The following DYNC2I1 variants were observed in gnomAD, a reference collection of about 807,000 sequenced individuals.
The protein encoded by DYNC2I1 is cytoplasmic dynein 2 intermediate chain 1.
DYNC2I1 carries 89 observed loss-of-function variants against 133.4 expected under a neutral mutation model. The ratio of observed to expected loss-of-function variants is 0.67; its 90% CI spans 0.56 to 0.80. The LOEUF is 0.80. Among genes scored for constraint, DYNC2I1 ranks in the 30% least tolerant of loss-of-function variants. DYNC2I1 has a pLI of 0.00. For synonymous variants in DYNC2I1, 504 were observed against 484.3 expected, an observed-to-expected ratio of 1.04 and a Z score of -0.54; for missense variants, 1,291 against 1,314.5, an observed-to-expected ratio of 0.98 and a Z score of 0.28.
chr7:158,899,504 C>T (rs1472835769), intron 8 of DYNC2I1, among the ~76,000 whole-genome samples: 1 of 151,720 alleles, frequency 6.6e-6, no homozygotes, highest in Admixed American at 6.6e-5. Context: ...TTATATAGAC[C>T]CAAGTTTCTG....
intron 1 of DYNC2I1, among the ~76,000 whole-genome samples, chr7:158,867,309 G>C (rs1038908602): frequency 2.0e-5 from 3 of 152,098 alleles, no homozygotes; most frequent in African/African-American, 7.2e-5. Context: ...GGGTTGTAGG[G>C]CTGTACCCTG....
chr7:158,864,619 C>G (rs745666292), intron 1 of DYNC2I1, among the ~76,000 whole-genome samples: 14 of 152,090 alleles, frequency 9.2e-5, no homozygotes, highest in Middle Eastern at 3.4e-3. Context: ...AAGTGAGCCT[C>G]CTGTCTTAGC....
At chr7:158,905,260 C>G (rs1259433226) in intron 10 of DYNC2I1, 1 of 349,728 alleles carries the variant, frequency 2.9e-6, no homozygotes, top group Non-Finnish European at 5.5e-6. Flanking sequence ...TCTGCTTCAG[C>G]CTCCCGAGTA....
At position 158,882,671 on chromosome 7, in the gene DYNC2I1, G is replaced by T. The variant is rs576471473; in HGVS notation, c.880-1893G>T. ...GTGGATCACTTGAGGTCAGGAGTTC[G>T]AGACCAGCCTGGCTAACATAGTGAA... On this transcript the variant is annotated intron_variant, in intron 5 of 24. Transcript: ENST00000407559. Among the ~76,000 whole-genome samples the T allele has an allele frequency of 2.5e-4, 38 of 152,016 alleles. No homozygotes were observed. In the South Asian group the frequency reaches 7.5e-3, roughly 30 times the overall value.
At position 158,884,536 on chromosome 7, in the gene DYNC2I1, G is replaced by A. The variant is rs1453481593; in HGVS notation, c.880-28G>A. ...CTTCATTCCGATATGCTAATAAATG[G>A]TTATGGGATTATATTTTTGTTTGAT... On this transcript the variant is annotated intron_variant, in intron 5 of 24. Transcript: ENST00000407559. 12 of 1,604,020 alleles carry A rather than the reference G, an allele frequency of 7.5e-6. No individual in the cohort carries two copies. In the Admixed American group the frequency reaches 1.7e-4, roughly 23 times the overall value.
intron 15 of DYNC2I1, among the ~76,000 whole-genome samples, chr7:158,920,263 G>A (rs539077478): frequency 6.6e-6 from 1 of 151,508 alleles, no homozygotes; most frequent in South Asian, 2.1e-4. Context: ...AAGTGTGTGT[G>A]TGTACCACAG....
intron 1 of DYNC2I1, among the ~76,000 whole-genome samples, chr7:158,857,853 C>A (rs142831520): frequency 0.015 from 2,303 of 148,792 alleles, 52 homozygotes; most frequent in African/African-American, 0.054. Context: ...TACAGTGGCA[C>A]GATCTCTACT....
At chr7:158,913,962 G>A (rs976461802) in intron 13 of DYNC2I1, among the ~76,000 whole-genome samples, 8 of 152,078 alleles carry the variant, frequency 5.3e-5, no homozygotes, top group Non-Finnish European at 1.0e-4. Context: ...CACCTGCCTC[G>A]GCCACCCAAA....
chr7:158,841,738 A>G, the DYNC2I1 span, among the ~76,000 whole-genome samples: 1 of 152,230 alleles, frequency 6.6e-6, no homozygotes, highest in Non-Finnish European at 1.5e-5. Flanking sequence ...ACAGTGAAAA[A>G]GAAGACAGCG....
intron 1 of DYNC2I1, among the ~76,000 whole-genome samples, chr7:158,868,278 C>T (rs988129917): frequency 6.6e-6 from 1 of 152,142 alleles, no homozygotes; most frequent in African/African-American, 2.4e-5. Context: ...GCTGGCTGTC[C>T]GGATGCCGCC....
At chr7:158,943,261 T>C (rs894046788) in intron 24 of DYNC2I1, among the ~76,000 whole-genome samples, 4 of 152,250 alleles carry the variant, frequency 2.6e-5, no homozygotes, top group African/African-American at 9.6e-5. Context: ...ACAACACACC[T>C]GCAGTTTATT....
intron 8 of DYNC2I1, among the ~76,000 whole-genome samples, chr7:158,900,813 C>T (rs1470561738): frequency 6.7e-6 from 1 of 148,336 alleles, no homozygotes; most frequent in African/African-American, 2.5e-5. Flanking sequence ...TATCATCAAG[C>T]ACAGAGACTT....
intron 24 of DYNC2I1, among the ~76,000 whole-genome samples, chr7:158,943,035 C>T (rs1206518514): frequency 6.6e-6 from 1 of 152,102 alleles, no homozygotes; most frequent in Non-Finnish European, 1.5e-5. Context: ...TTAATAAATT[C>T]TCCTACTGTG....
intron 24 of DYNC2I1, among the ~76,000 whole-genome samples, chr7:158,942,950 G>A (rs763913238): frequency 5.9e-5 from 9 of 152,174 alleles, no homozygotes; most frequent in Non-Finnish European, 8.8e-5. Flanking sequence ...GAAAGCTTTC[G>A]TCATGAGGTG....
chr7:158,952,124 A>G (rs373765988), intron 4 of DYNC2I1, among the ~76,000 whole-genome samples: 2 of 152,164 alleles, frequency 1.3e-5, no homozygotes, highest in Non-Finnish European at 1.5e-5. Flanking sequence ...AGAATCCACC[A>G]GCAGAAGAAG....
chr7:158,914,520 G>A (rs1847814801), intron 14 of DYNC2I1, among the ~76,000 whole-genome samples, 199 bp downstream of exon 14: 1 of 152,202 alleles, frequency 6.6e-6, no homozygotes, highest in Admixed American at 6.5e-5. Flanking sequence ...ATGACCCTGG[G>A]TAAATGTATA....
intron 11 of DYNC2I1, among the ~76,000 whole-genome samples, chr7:158,906,607 C>T (rs1410416207): frequency 2.6e-5 from 4 of 151,920 alleles, no homozygotes; most frequent in African/African-American, 9.7e-5. Flanking sequence ...TACAGGTGGC[C>T]GCCACCACGC....
intron 1 of DYNC2I1, among the ~76,000 whole-genome samples, chr7:158,857,890 C>T (rs1348973527): frequency 1.3e-5 from 2 of 149,214 alleles, no homozygotes; most frequent in Non-Finnish European, 3.0e-5. Context: ...TCCTGGGTTC[C>T]AGCGATTCTC....
chr7:158,905,029 G>C (rs770938721), intron 10 of DYNC2I1: 1 of 360,662 alleles, frequency 2.8e-6, no homozygotes, highest in South Asian at 2.2e-5. Context: ...ACACAGGTAA[G>C]TATGTACAAG....
Sources: allele counts gnomAD v4.1 joint callset (sites outside exome capture counted in the v4.1 genomes callset), GRCh38; gene constraint gnomAD v4.1.1; transcripts MANE v1.5; gene names NCBI Gene and HGNC (gene_info 2026-07-23, HGNC 2026-07-21).